LIN28B: variants seen among roughly 807,000 people sequenced by gnomAD.
LIN28B encodes protein lin-28 homolog B.
In LIN28B, 5 loss-of-function variants were observed where a neutral mutation model predicts 21.9. That is an observed-to-expected ratio of 0.23 (90% CI 0.12 to 0.48). The LOEUF is 0.48. Among genes scored for constraint, LIN28B ranks in the 20% least tolerant of loss-of-function variants. LIN28B has a pLI of 0.98. For synonymous variants in LIN28B, 109 were observed against 111.3 expected (o/e 0.98, Z 0.13); for missense variants, 245 against 310.5 (o/e 0.79, Z 1.58).
chr6:105,051,300 G>A (rs746996276), intron 3 of LIN28B, among the ~76,000 whole-genome samples: 15 of 151,240 alleles, frequency 9.9e-5, no homozygotes, highest in Admixed American at 3.9e-4. Context: ...TTAGCCAGGC[G>A]TGGTGGCGTG....
At chr6:105,059,608 G>A (rs972393796) in intron 3 of LIN28B, among the ~76,000 whole-genome samples, 1 of 152,148 alleles carries the variant, frequency 6.6e-6, no homozygotes, top group African/African-American at 2.4e-5. Flanking sequence ...ATTAGATAAA[G>A]GGAAATTGAA....
At chr6:104,957,886 T>C (rs1343299217) in intron 1 of LIN28B, among the ~76,000 whole-genome samples, 1 of 152,036 alleles carries the variant, frequency 6.6e-6, no homozygotes, top group Non-Finnish European at 1.5e-5. Context: ...GTGTGATCGA[T>C]AGAACAGTGT....
Position 104,957,219 on chromosome 6 carries a change from AC to A in LIN28B, c.-31del. 6.2e-7 allele frequency: 1 copy of A among 1,613,230 alleles called. No individual in the cohort carries two copies. Among genetic ancestry groups the A allele is most frequent in the East Asian group, 2.2e-5 (1 of 44,850 alleles). The stretch of plus-strand genomic sequence containing the variant: ...GTTCCAAAGGGAAAGTTTTCATCTC[AC>A]GAGTTTGGAGCTGAGGGCCCGTGGG... On this transcript the variant is annotated 5_prime_UTR_variant, in exon 1 of 4. The change creates a premature stop within an existing upstream ORF in the 5' untranslated region. Transcript: ENST00000345080.
intron 2 of LIN28B, among the ~76,000 whole-genome samples, chr6:104,968,128 A>G (rs918483856): frequency 6.6e-5 from 10 of 152,226 alleles, no homozygotes; most frequent in Admixed American, 6.5e-4. Flanking sequence ...TCATGTACTC[A>G]GTGAAACACT....
intron 3 of LIN28B, among the ~76,000 whole-genome samples, chr6:104,951,917 GATTTGCTTCTC>G (rs1305811030): frequency 2.0e-5 from 3 of 152,138 alleles, no homozygotes; most frequent in Non-Finnish European, 4.4e-5. Flanking sequence ...TTTCTCCACA[GATTTGCTTCTC>G]ACACATGCTG....
intron 2 of LIN28B, among the ~76,000 whole-genome samples, chr6:105,021,145 T>C (rs1470492078): frequency 6.6e-6 from 1 of 152,130 alleles, no homozygotes; most frequent in Non-Finnish European, 1.5e-5. Context: ...TGTGCCTGGC[T>C]TTTTTCACTT....
rs221635 is a variant in LIN28B, at chr6:105,081,799, C to T, written c.*3016C>T. On this transcript the variant is annotated 3_prime_UTR_variant, in exon 4 of 4. Transcript: ENST00000345080. The stretch of plus-strand genomic sequence containing the variant: ...CATGCTAGGCAAAGAGTTTAAAAGA[C>T]GCCAATGTCCTTCATTTACTGTCTG... 0.78 allele frequency: 119,260 copies of T among 152,568 alleles called. 47,550 individuals carry two copies. The highest frequency in any genetic ancestry group is 0.87 in the Non-Finnish European group (58,970 of 68,038). 9.5% of individuals were successfully genotyped at this position (152,568 alleles called of 1,614,324 possible). A position where few individuals can be genotyped will look rare whatever the true frequency, so the allele number is the denominator to read the frequency against.
chr6:105,038,417 G>A (rs1369016383), intron 3 of LIN28B, among the ~76,000 whole-genome samples: 1 of 152,162 alleles, frequency 6.6e-6, no homozygotes, highest in African/African-American at 2.4e-5. Flanking sequence ...CCAGTGGCAG[G>A]CTGCTGTTGG....
chr6:104,993,833 C>CAAAAAAA (rs568787406), intron 2 of LIN28B, among the ~76,000 whole-genome samples: 1 of 89,174 alleles, frequency 1.1e-5, no homozygotes, highest in Non-Finnish European at 2.4e-5. Context: ...GAGATTGTCT[C>CAAAAAAA]AAAAAAAAAA....
intron 3 of LIN28B, among the ~76,000 whole-genome samples, chr6:105,033,651 C>A (rs151099995): frequency 6.6e-6 from 1 of 151,564 alleles, no homozygotes; most frequent in Admixed American, 6.6e-5. Context: ...AAGTTCATTA[C>A]AAAAAGAGTA....
Position 105,079,329 on chromosome 6 carries a change from G to C in LIN28B, c.*546G>C, listed in dbSNP as rs1479306113. On this transcript the variant is annotated 3_prime_UTR_variant, in exon 4 of 4. Transcript: ENST00000345080. ...GAGCTGCCAATTATGGGGTACTAAA[G>C]GTTTTTAAGACATCCAGTTCTCCCG... 1 of 152,538 alleles carries C rather than the reference G, an allele frequency of 6.6e-6. No homozygotes were observed. The highest frequency in any genetic ancestry group is 1.5e-5 in the Non-Finnish European group (1 of 68,034). 9.4% of individuals were successfully genotyped at this position (152,538 alleles called of 1,614,324 possible). A position where few individuals can be genotyped will look rare whatever the true frequency, so the allele number is the denominator to read the frequency against.
At chr6:104,978,556 G>A (rs553879199) in intron 2 of LIN28B, among the ~76,000 whole-genome samples, 1 of 151,756 alleles carries the variant, frequency 6.6e-6, no homozygotes, top group East Asian at 1.9e-4. Context: ...GGAGTATAAA[G>A]GTATCCTGTC....
intron 2 of LIN28B, among the ~76,000 whole-genome samples, chr6:105,012,057 C>A (rs975167606): frequency 3.3e-5 from 5 of 151,994 alleles, no homozygotes; most frequent in African/African-American, 9.7e-5. Flanking sequence ...ACTCGGGAGG[C>A]TGAGGCAGGA....
At chr6:105,027,471 A>G (rs962524557) in intron 3 of LIN28B, among the ~76,000 whole-genome samples, 2 of 151,720 alleles carry the variant, frequency 1.3e-5, no homozygotes, top group Non-Finnish European at 2.9e-5. Flanking sequence ...TCCATTGACC[A>G]TTTTCTATTG....
Position 104,958,151 on chromosome 6 carries a change from AGAG to A in LIN28B, c.69_71del (p.Glu24del), listed in dbSNP as rs778924972. 1.9e-6 allele frequency: 3 copies of A among 1,607,352 alleles called. No individual in the cohort carries two copies. The highest frequency in any genetic ancestry group is 2.6e-6 in the Non-Finnish European group (3 of 1,174,980). On this transcript the variant is annotated inframe_deletion, in exon 2 of 4. Coordinates refer to ENST00000345080, the MANE Select transcript of LIN28B (RefSeq NM_001004317.4). ...AGCCCGGGAAGCTGCCGGAGCCGGC[AGAG>A]GAGGAATCCCAGGTTTTGCGCGGAA...
intron 2 of LIN28B, among the ~76,000 whole-genome samples, chr6:104,964,265 A>T (rs1183720866): frequency 6.6e-6 from 1 of 152,152 alleles, no homozygotes; most frequent in African/African-American, 2.4e-5. Flanking sequence ...TAGTCTCAAG[A>T]GATACTCCCT....
intron 2 of LIN28B, among the ~76,000 whole-genome samples, chr6:104,991,715 T>C (rs1182639137): frequency 6.6e-6 from 1 of 152,164 alleles, no homozygotes; most frequent in African/African-American, 2.4e-5. Context: ...CACTCCAGCC[T>C]GGGCAACATT....
chr6:104,981,641 C>A (rs369155114), intron 2 of LIN28B, among the ~76,000 whole-genome samples: 4 of 152,298 alleles, frequency 2.6e-5, no homozygotes, highest in East Asian at 3.9e-4. Flanking sequence ...AAAGCCGCTT[C>A]CTATTCAAAA....
At chr6:105,064,703 A>G (rs1772187203) in intron 3 of LIN28B, among the ~76,000 whole-genome samples, 1 of 152,184 alleles carries the variant, frequency 6.6e-6, no homozygotes, top group Non-Finnish European at 1.5e-5. Context: ...GTATTGCCCA[A>G]ACAAATTTAC....
Sources: allele counts gnomAD v4.1 joint callset (sites outside exome capture counted in the v4.1 genomes callset), GRCh38; gene constraint gnomAD v4.1.1; transcripts MANE v1.5; gene names NCBI Gene and HGNC (gene_info 2026-07-23, HGNC 2026-07-21).